TRAPPC9: variants seen among roughly 807,000 people sequenced by gnomAD.
TRAPPC9 encodes trafficking protein particle complex subunit 9.
TRAPPC9 carries 83 observed loss-of-function variants against 124.0 expected under a neutral mutation model. That is an observed-to-expected ratio of 0.67 (90% CI 0.56 to 0.80). TRAPPC9 has a LOEUF of 0.80. Among genes scored for constraint, TRAPPC9 ranks in the 30% least tolerant of loss-of-function variants. The pLI, the probability that TRAPPC9 is intolerant of heterozygous loss-of-function variation, is 0.00. For missense variants in TRAPPC9, 1,302 were observed against 1,508.3 expected (o/e 0.86, Z 2.27); for synonymous variants, 638 against 617.5 (o/e 1.03, Z -0.49).
At chr8:140,443,025 C>T (rs547111441) in intron 2 of TRAPPC9, among the ~76,000 whole-genome samples, 1 of 145,660 alleles carries the variant, frequency 6.9e-6, no homozygotes, top group South Asian at 2.2e-4. Flanking sequence ...CCCAGCTACT[C>T]AGGAGGCTGA....
intron 21 of TRAPPC9, among the ~76,000 whole-genome samples, chr8:139,748,923 G>GT (rs1819135408): frequency 6.6e-6 from 1 of 152,272 alleles, no homozygotes; most frequent in Non-Finnish European, 1.5e-5. Flanking sequence ...AACTCTGGCA[G>GT]TAGGTCCAGG....
intron 9 of TRAPPC9, among the ~76,000 whole-genome samples, chr8:140,345,940 G>A (rs1011759649): frequency 2.0e-5 from 3 of 152,330 alleles, no homozygotes; most frequent in East Asian, 1.9e-4. Flanking sequence ...GTGGACATCC[G>A]GGGAGACCGA....
intron 21 of TRAPPC9, among the ~76,000 whole-genome samples, chr8:139,781,646 T>C (rs1184489943): frequency 3.9e-5 from 6 of 152,244 alleles, no homozygotes; most frequent in African/African-American, 1.4e-4. Flanking sequence ...TGTGTTAATG[T>C]AGGTTCATTG....
chr8:140,458,152 G>GA, upstream of TRAPPC9: 1 of 1,223,158 alleles, frequency 8.2e-7, no homozygotes, highest in Non-Finnish European at 1.1e-6. Flanking sequence ...GAGGGAAGGA[G>GA]GGAGATGGAG....
At chr8:139,941,920 GGGA>G (rs1833943863) in intron 19 of TRAPPC9, among the ~76,000 whole-genome samples, 1 of 152,196 alleles carries the variant, frequency 6.6e-6, no homozygotes. Flanking sequence ...GAGCCCCATG[GGGA>G]GGGTCCTGCA....
intron 11 of TRAPPC9, among the ~76,000 whole-genome samples, chr8:140,292,255 C>CTGCATAAGGACCTCCTGAGATAGG: frequency 6.6e-6 from 1 of 152,184 alleles, no homozygotes; most frequent in African/African-American, 2.4e-5. Flanking sequence ...TCTCATTACT[C>CTGCATAAGGACCTCCTGAGATAGG]TGCATAAGGA....
chr8:140,254,817 T>G (rs747095664), intron 15 of TRAPPC9, among the ~76,000 whole-genome samples: 1 of 152,254 alleles, frequency 6.6e-6, no homozygotes, highest in Non-Finnish European at 1.5e-5. Context: ...TCTAGAATCC[T>G]AGATCCAAAT....
At chr8:140,017,166 T>C (rs576387466) in intron 18 of TRAPPC9, among the ~76,000 whole-genome samples, 22 of 152,372 alleles carry the variant, frequency 1.4e-4, no homozygotes, top group Middle Eastern at 3.4e-3. Flanking sequence ...TACATAAATA[T>C]GTTACAATTT....
At chr8:140,071,864 G>C (rs1843174390) in intron 17 of TRAPPC9, among the ~76,000 whole-genome samples, 1 of 152,206 alleles carries the variant, frequency 6.6e-6, no homozygotes, top group South Asian at 2.1e-4. Flanking sequence ...GTAGGGAAAA[G>C]ACAACACCAT....
intron 15 of TRAPPC9, among the ~76,000 whole-genome samples, chr8:140,263,428 C>T (rs2064499192): frequency 6.6e-6 from 1 of 152,142 alleles, no homozygotes; most frequent in Non-Finnish European, 1.5e-5. Context: ...GGGCAGCCAG[C>T]CATGGGATGG....
At chr8:140,363,051 C>T (rs1163329987) in intron 8 of TRAPPC9, among the ~76,000 whole-genome samples, 5 of 152,194 alleles carry the variant, frequency 3.3e-5, no homozygotes, top group African/African-American at 1.2e-4. Flanking sequence ...ATTTTCAATA[C>T]TCTTGTAATC....
In TRAPPC9 at chr8:139,873,658, GC is replaced by G. The variant is rs1158137516; in HGVS notation, c.3055+12220del. Among the ~76,000 whole-genome samples, 7 of 152,340 alleles carry G rather than the reference GC, an allele frequency of 4.6e-5. No homozygotes were observed. The East Asian group carries it at 1.4e-3, about 29-fold the overall frequency. On this transcript the variant is annotated intron_variant, in intron 21 of 22. Coordinates refer to ENST00000438773, the MANE Select transcript of TRAPPC9 (RefSeq NM_001160372.4). Reference sequence around the variant, plus strand: ...AAATGGGAGGGGGTGTCATGCAGGAGCAGACAAGGGTGATGAAGGCCTCCTG... The same window carrying G: ...AAATGGGAGGGGGTGTCATGCAGGAGAGACAAGGGTGATGAAGGCCTCCTG...
chr8:140,219,227 C>T (rs2063275107), intron 17 of TRAPPC9, among the ~76,000 whole-genome samples: 3 of 152,214 alleles, frequency 2.0e-5, no homozygotes, highest in South Asian at 4.1e-4. Context: ...GCCTGCAGCA[C>T]ACTCGGCGAT....
chr8:139,965,182 C>T (rs1835621523), intron 19 of TRAPPC9, among the ~76,000 whole-genome samples: 1 of 152,228 alleles, frequency 6.6e-6, no homozygotes, highest in Non-Finnish European at 1.5e-5. Flanking sequence ...CATTCATCTG[C>T]AGGCCCTCAG....
intron 7 of TRAPPC9, among the ~76,000 whole-genome samples, chr8:140,386,897 C>T (rs797014095): frequency 6.7e-4 from 102 of 152,090 alleles, no homozygotes; most frequent in African/African-American, 2.3e-3. Context: ...GGAGGCATCA[C>T]GCTACCTGAC....
intron 21 of TRAPPC9, among the ~76,000 whole-genome samples, chr8:139,736,182 A>C (rs914578074): frequency 1.3e-5 from 2 of 152,198 alleles, no homozygotes; most frequent in Admixed American, 6.5e-5. Flanking sequence ...CCAGCATTGC[A>C]GAAGGAGGGC....
chr8:140,046,203 A>C (rs1841585394), intron 17 of TRAPPC9, among the ~76,000 whole-genome samples: 1 of 152,244 alleles, frequency 6.6e-6, no homozygotes, highest in Non-Finnish European at 1.5e-5. Flanking sequence ...GGCACGGTCC[A>C]CGGTGCAATA....
chr8:139,910,723 G>T (rs1034219810), intron 19 of TRAPPC9, among the ~76,000 whole-genome samples: 2 of 152,210 alleles, frequency 1.3e-5, no homozygotes, highest in Admixed American at 6.5e-5. Context: ...TCCTCTGAGT[G>T]CTGTCTGCCT....
intron 21 of TRAPPC9, among the ~76,000 whole-genome samples, chr8:139,836,444 A>AGCT (rs1826355429): frequency 2.1e-5 from 3 of 141,290 alleles, no homozygotes; most frequent in East Asian, 4.1e-4. Flanking sequence ...GTGCATGGGA[A>AGCT]GCCGCTGGGG....
Sources: gnomAD v4.1 joint callset for allele counts (sites outside exome capture counted in the v4.1 genomes callset) on GRCh38, gnomAD v4.1.1 for gene constraint, MANE v1.5 for transcripts, NCBI Gene and HGNC (gene_info 2026-07-23, HGNC 2026-07-21) for gene names.